Variants in PCDHGA9 observed in about 807,000 individuals in gnomAD.
PCDHGA9 encodes the protein protocadherin gamma-A9.
Under a neutral mutation model 62.5 loss-of-function variants are expected in PCDHGA9, and 37 were observed. The observed-to-expected ratio is 0.59, with a 90% confidence interval of 0.46 to 0.78. The LOEUF (loss-of-function observed/expected upper bound fraction) is 0.78, where lower values mean the gene tolerates loss of function less well. Among genes scored for constraint, PCDHGA9 ranks in the 30% least tolerant of loss-of-function variants. PCDHGA9 has a pLI of 0.00. For synonymous variants in PCDHGA9, 459 were observed against 484.6 expected, an observed-to-expected ratio of 0.95 and a Z score of 0.69; for missense variants, 1,138 against 1,166.2, an observed-to-expected ratio of 0.98 and a Z score of 0.35.
intron 3 of PCDHGA9, among the ~76,000 whole-genome samples, chr5:141,507,918 G>C (rs1409126707): frequency 6.6e-6 from 1 of 152,208 alleles, no homozygotes; most frequent in Non-Finnish European, 1.5e-5. Flanking sequence ...CAGGCCTGTG[G>C]GGCTGCTGAG....
At position 141,489,599 on chromosome 5, in the gene PCDHGA9, A is replaced by T; in HGVS notation, c.2425-5208A>T. The T allele has an allele frequency of 6.2e-7, 1 of 1,614,020 alleles. No homozygotes were observed. The highest frequency in any genetic ancestry group is 8.5e-7 in the Non-Finnish European group (1 of 1,179,970). On this transcript the variant is annotated intron_variant, in intron 1 of 3. Coordinates refer to ENST00000573521, the MANE Select transcript of PCDHGA9 (RefSeq NM_018921.3). This position sits in a 1 kb window ranked among gnomAD's most constrained non-coding sequence, Gnocchi z 4.5. ...CACCCCCTGGAGCTAATCCGTGTAGAGGTAGAGATCCTGGATCTCAATGAC... is the reference window on the plus strand; with the variant it reads ...CACCCCCTGGAGCTAATCCGTGTAGTGGTAGAGATCCTGGATCTCAATGAC...
chr5:141,461,088 G>A (rs2099008870), intron 1 of PCDHGA9, among the ~76,000 whole-genome samples: 1 of 151,800 alleles, frequency 6.6e-6, no homozygotes, highest in Non-Finnish European at 1.5e-5. Context: ...GAATTGTGCT[G>A]CTATAAACAT....
intron 1 of PCDHGA9, among the ~76,000 whole-genome samples, chr5:141,463,025 T>G (rs2099051289): frequency 6.6e-6 from 1 of 152,202 alleles, no homozygotes; most frequent in Non-Finnish European, 1.5e-5. Flanking sequence ...ACTTTTTTGA[T>G]TAATCTGAGT....
intron 1 of PCDHGA9, chr5:141,433,250 G>A: frequency 1.4e-6 from 2 of 1,440,892 alleles, no homozygotes; most frequent in Non-Finnish European, 1.9e-6. Flanking sequence ...CTGGAATGCA[G>A]CGGTACGATC....
intron 1 of PCDHGA9, chr5:141,430,555 TC>T (rs1232264614): frequency 9.7e-6 from 4 of 411,788 alleles, no homozygotes; most frequent in Non-Finnish European, 1.3e-5. Flanking sequence ...TGTTCACCAA[TC>T]GGGGAGAGAA....
chr5:141,487,529 A>G lies in PCDHGA9; in HGVS notation c.2425-7278A>G, dbSNP rs772843725. ...TGCACCCACTCGGAGTGATAGCTTCATGATGGTGAAGTCACCCAGTGCACC... is the reference window on the plus strand; with the variant it reads ...TGCACCCACTCGGAGTGATAGCTTCGTGATGGTGAAGTCACCCAGTGCACC... On this transcript the variant is annotated intron_variant, in intron 1 of 3. Coordinates refer to ENST00000573521, the MANE Select transcript of PCDHGA9 (RefSeq NM_018921.3). The surrounding 1 kb of genome is among the most constrained non-coding windows in gnomAD (Gnocchi z 5.0). The G allele has an allele frequency of 2.0e-5, 32 of 1,614,168 alleles. No individual in the cohort carries two copies. Among genetic ancestry groups the G allele is most frequent in the Non-Finnish European group, 2.5e-5 (29 of 1,180,040 alleles).
intron 3 of PCDHGA9, 120 bp downstream of exon 3, chr5:141,505,601 C>T (rs1171679451): frequency 6.4e-7 from 1 of 1,550,630 alleles, no homozygotes; most frequent in Non-Finnish European, 8.7e-7. Flanking sequence ...GATCTTTCGG[C>T]AGGTCTGAAA....
intron 1 of PCDHGA9, chr5:141,478,134 C>A (rs2099431418): frequency 6.2e-7 from 1 of 1,614,074 alleles, no homozygotes; most frequent in African/African-American, 1.3e-5. Flanking sequence ...TCTCCTGAAG[C>A]CCGAGCCGAG....
At chr5:141,480,511 A>G (rs2099520888) in intron 1 of PCDHGA9, among the ~76,000 whole-genome samples, 1 of 127,378 alleles carries the variant, frequency 7.9e-6, no homozygotes, top group African/African-American at 3.6e-5. Context: ...ATATGAGAAC[A>G]ACCAAAAATG....
At position 141,487,215 on chromosome 5, in the gene PCDHGA9, C is replaced by G. The variant is rs1248989099; in HGVS notation, c.2425-7592C>G. 4 of 1,613,850 alleles carry G rather than the reference C, an allele frequency of 2.5e-6. No homozygotes were observed. Among genetic ancestry groups the G allele is most frequent in the East Asian group, 4.5e-5 (2 of 44,882 alleles). The stretch of plus-strand genomic sequence containing the variant: ...GTCCCAGATCTTCGAGAATCTTCAG[C>G]TCCAAGGGAAGGAGAATCTCGTCTA... On this transcript the variant is annotated intron_variant, in intron 1 of 3. Coordinates refer to ENST00000573521, the MANE Select transcript of PCDHGA9 (RefSeq NM_018921.3). This position sits in a 1 kb window ranked among gnomAD's most constrained non-coding sequence, Gnocchi z 5.0.
At chr5:141,471,252 T>C (rs1003162914) in intron 1 of PCDHGA9, 1 of 151,872 alleles carries the variant, frequency 6.6e-6, no homozygotes, top group Non-Finnish European at 1.5e-5. Flanking sequence ...GGTTTCACCA[T>C]GTTGGCAAGG....
At chr5:141,509,758 C>T (rs574741134) in intron 3 of PCDHGA9, among the ~76,000 whole-genome samples, 17 of 152,202 alleles carry the variant, frequency 1.1e-4, no homozygotes. Flanking sequence ...CTAAAGTGTC[C>T]CTGAGATGTC....
intron 1 of PCDHGA9, chr5:141,410,118 G>C: frequency 1.2e-6 from 2 of 1,612,422 alleles, no homozygotes; most frequent in African/African-American, 2.7e-5. Flanking sequence ...GACGCAGCCC[G>C]CCAGCGCCTG....
chr5:141,403,262 G>C lies in PCDHGA9; in HGVS notation c.310G>C (p.Val104Leu), dbSNP rs1162911439. Residue 104 changes from valine (V) to leucine (L), a missense_variant, in exon 1 of 4, where the codon GTG becomes CTG. Transcript: ENST00000573521. ...CTGTGCTCAGAGCCCGCGGTGTCTGGTGAACTTTAAAGTCCTGGTTGAAGA... is the reference window on the plus strand; with the variant it reads ...CTGTGCTCAGAGCCCGCGGTGTCTGCTGAACTTTAAAGTCCTGGTTGAAGA... ...ELCAQSPRCL[V>L]NFKVLVEDRV... 6.2e-7 allele frequency: 1 copy of C among 1,613,868 alleles called. No homozygotes were observed. Among genetic ancestry groups the C allele is most frequent in the Middle Eastern group, 1.6e-4 (1 of 6,062 alleles).
rs566838507 is a variant in PCDHGA9, at chr5:141,415,047, G to T, written c.2424+9671G>T. ...GCGAGCCGGGACTCTTCGCGGTGGG[G>T]GAGCACACGGGCGAGGTGCGCACGG... On this transcript the variant is annotated intron_variant, in intron 1 of 3. Transcript: ENST00000573521. The T allele has an allele frequency of 4.2e-5, 67 of 1,613,220 alleles. 1 individual carries two copies. The Admixed American group carries it at 6.0e-4, about 14-fold the overall frequency.
chr5:141,490,380 T>C lies in PCDHGA9; in HGVS notation c.2425-4427T>C, dbSNP rs1246254637. 1 of 1,614,204 alleles carries C rather than the reference T, an allele frequency of 6.2e-7. No individual in the cohort carries two copies. ...TTAATGTGCGAGACCGGGACTCAGGTAGAAATGGTGAAGTGAGCCTTGATA... is the reference window on the plus strand; with the variant it reads ...TTAATGTGCGAGACCGGGACTCAGGCAGAAATGGTGAAGTGAGCCTTGATA... On this transcript the variant is annotated intron_variant, in intron 1 of 3. Coordinates refer to ENST00000573521, the MANE Select transcript of PCDHGA9 (RefSeq NM_018921.3). This position sits in a 1 kb window ranked among gnomAD's most constrained non-coding sequence, Gnocchi z 5.4.
At chr5:141,428,021 C>A (rs1185050109) in intron 1 of PCDHGA9, 2 of 1,605,604 alleles carry the variant, frequency 1.2e-6, no homozygotes, top group Non-Finnish European at 1.7e-6. Flanking sequence ...TGCCACGCGC[C>A]GCAGAGTCCG....
At position 141,490,328 on chromosome 5, in the gene PCDHGA9, C is replaced by T; in HGVS notation, c.2425-4479C>T. 2 of 1,614,228 alleles carry T rather than the reference C, an allele frequency of 1.2e-6. No homozygotes were observed. Among genetic ancestry groups the T allele is most frequent in the Non-Finnish European group, 1.7e-6 (2 of 1,180,048 alleles). Reference sequence around the variant, plus strand: ...TTGGCCAACCCTGTCCTAGAGAGCACACCAGTGGGCACAGTAGTGGGGTTG... The same window carrying T: ...TTGGCCAACCCTGTCCTAGAGAGCATACCAGTGGGCACAGTAGTGGGGTTG... On this transcript the variant is annotated intron_variant, in intron 1 of 3. Coordinates refer to ENST00000573521, the MANE Select transcript of PCDHGA9 (RefSeq NM_018921.3). The surrounding 1 kb of genome is among the most constrained non-coding windows in gnomAD (Gnocchi z 5.4).
Position 141,490,958 on chromosome 5 carries a change from A to T in PCDHGA9, c.2425-3849A>T, listed in dbSNP as rs771797392. 4.6e-5 allele frequency: 74 copies of T among 1,613,610 alleles called. No individual in the cohort carries two copies. The highest frequency in any genetic ancestry group is 1.6e-4 in the Middle Eastern group (1 of 6,084). ...CTGCACCCACGGCCAGACTGGGAAC[A>T]CTCAGCCCCCCAGCGTCTCCCTCGC... On this transcript the variant is annotated intron_variant, in intron 1 of 3. Coordinates refer to ENST00000573521, the MANE Select transcript of PCDHGA9 (RefSeq NM_018921.3). This position sits in a 1 kb window ranked among gnomAD's most constrained non-coding sequence, Gnocchi z 5.4.
Sources: gnomAD v4.1 joint callset for allele counts (sites outside exome capture counted in the v4.1 genomes callset) on GRCh38, gnomAD v4.1.1 for gene constraint, Gnocchi (gnomAD v3.1) non-coding constraint, MANE v1.5 for transcripts, NCBI Gene and HGNC (gene_info 2026-07-23, HGNC 2026-07-21) for gene names.